CACNA1H: variants seen among roughly 807,000 people sequenced by gnomAD.
CACNA1H encodes the protein voltage-dependent T-type calcium channel subunit alpha-1H.
Under a neutral mutation model 192.5 loss-of-function variants are expected in CACNA1H, and 149 were observed. That is an observed-to-expected ratio of 0.77 (90% CI 0.68 to 0.89). The LOEUF (loss-of-function observed/expected upper bound fraction) is 0.89, where lower values mean the gene tolerates loss of function less well. Ranked by LOEUF, CACNA1H falls within the 40% of genes least tolerant of loss-of-function variation. The probability of loss-of-function intolerance (pLI) is 0.00; values close to 1 mark genes in which losing one functional copy is unlikely to be tolerated. For missense variants in CACNA1H, 4,257 were observed against 3,423.5 expected, an observed-to-expected ratio of 1.24 and a Z score of -6.08; for synonymous variants, 2,202 against 1,475.2, an observed-to-expected ratio of 1.49 and a Z score of -11.29.
In CACNA1H at chr16:1,221,735, G is replaced by A. The variant is rs754229098; in HGVS notation, c.*741G>A. The A allele has an allele frequency of 1.0e-4, 153 of 1,488,584 alleles. No individual in the cohort carries two copies. The highest frequency in any genetic ancestry group is 1.3e-4 in the Non-Finnish European group (145 of 1,104,322). 92.2% of individuals were successfully genotyped at this position (1,488,584 alleles called of 1,614,324 possible). The stretch of plus-strand genomic sequence containing the variant: ...CAGCTTCTCAAGGGAGAGGGAGGGG[G>A]CGGAGCGGAATAAATAGTAACTTAT... On this transcript the variant is annotated 3_prime_UTR_variant, in exon 35 of 35. Coordinates refer to ENST00000348261, the MANE Select transcript of CACNA1H (RefSeq NM_021098.3).
At chr16:1,173,051 C>T (rs1462401047) in intron 2 of CACNA1H, among the ~76,000 whole-genome samples, 1 of 152,016 alleles carries the variant, frequency 6.6e-6, no homozygotes, top group Non-Finnish European at 1.5e-5. Flanking sequence ...CGTGGAGAGC[C>T]CTCTGTGTGG....
chr16:1,211,123 G>T (rs911740779), intron 21 of CACNA1H, 45 bp from the exon 22 acceptor site: 2 of 1,599,922 alleles, frequency 1.3e-6, no homozygotes, highest in Non-Finnish European at 1.7e-6. Flanking sequence ...GCGCCTGGCA[G>T]CTGCTGCCAT....
chr16:1,163,908 G>C (rs1963480735), intron 2 of CACNA1H, among the ~76,000 whole-genome samples: 1 of 152,240 alleles, frequency 6.6e-6, no homozygotes, highest in African/African-American at 2.4e-5. Context: ...GGCCAGGTCT[G>C]GGGACCCTCC....
intron 6 of CACNA1H, 46 bp downstream of exon 6, chr16:1,198,820 C>T (rs377561076): frequency 3.8e-5 from 60 of 1,560,650 alleles, no homozygotes; most frequent in Middle Eastern, 3.4e-4. Context: ...GATGGCCCTG[C>T]CCACCATGCA....
chr16:1,172,698 G>T (rs1465193062), intron 2 of CACNA1H, among the ~76,000 whole-genome samples: 2 of 152,204 alleles, frequency 1.3e-5, no homozygotes, highest in African/African-American at 4.8e-5. Flanking sequence ...CACCCGCATG[G>T]GTGTGGGGCA....
intron 2 of CACNA1H, among the ~76,000 whole-genome samples, chr16:1,185,511 C>T (rs949883552): frequency 1.6e-4 from 23 of 143,132 alleles, no homozygotes; most frequent in East Asian, 6.1e-4. Flanking sequence ...TCCCCCCCCC[C>T]GCCGAGTCTG....
Position 1,211,561 on chromosome 16 carries a change from C to G in CACNA1H, c.4431C>G (p.His1477Gln). The change falls in exon 23 of 35, where the codon CAC becomes CAG. Residue 1477 changes from histidine (H) to glutamine (Q), a missense_variant. Physicochemically the swap from His to Gln is conservative, Grantham distance 24. Transcript: ENST00000348261. The stretch of plus-strand genomic sequence containing the variant: ...CCAAGGCACAGTGCCGGGCCGCCCA[C>G]TACCGCTGGGTGCGACGCAAGTACA... ...ISTKAQCRAA[H>Q]YRWVRRKYNF... 1 of 1,611,920 alleles carries G rather than the reference C, an allele frequency of 6.2e-7. No homozygotes were observed. The highest frequency in any genetic ancestry group is 2.2e-5 in the East Asian group (1 of 44,842).
chr16:1,210,273 C>G, intron 18 of CACNA1H, 97 bp from the exon 19 acceptor site: 1 of 1,268,384 alleles, frequency 7.9e-7, no homozygotes, highest in Non-Finnish European at 1.1e-6. Flanking sequence ...GGGACCGGGG[C>G]TGAAGTGGAG....
At chr16:1,189,884 G>A (rs959689263) in intron 2 of CACNA1H, among the ~76,000 whole-genome samples, 2 of 152,192 alleles carry the variant, frequency 1.3e-5, no homozygotes, top group African/African-American at 4.8e-5. Flanking sequence ...CCCCTGGCTC[G>A]TGAGCCCAGT....
At position 1,215,076 on chromosome 16, in the gene CACNA1H, G is replaced by A. The variant is rs1248027678; in HGVS notation, c.5034G>A (p.Lys1678=). The part of the protein sequence containing the change: ...LVAFGFRRFF[K]DRWNQLDLAI... ...CATTTGGGTTCCGTCGGTTCTTCAAGGACAGGTGTGTGTGGTGGGGCCGTC... is the reference window on the plus strand; with the variant it reads ...CATTTGGGTTCCGTCGGTTCTTCAAAGACAGGTGTGTGTGGTGGGGCCGTC... The change falls in exon 28 of 35, where the codon AAG becomes AAA. Residue 1678 remains lysine (K), a synonymous_variant. Transcript: ENST00000348261. 4 of 1,611,268 alleles carry A rather than the reference G, an allele frequency of 2.5e-6. No individual in the cohort carries two copies. Among genetic ancestry groups the A allele is most frequent in the Admixed American group, 1.7e-5 (1 of 59,706 alleles).
chr16:1,193,922 C>G (rs1412757699), intron 2 of CACNA1H, among the ~76,000 whole-genome samples: 2 of 152,124 alleles, frequency 1.3e-5, no homozygotes, highest in Admixed American at 6.5e-5. Context: ...TCCTGTGATC[C>G]CTGAGAGTTT....
chr16:1,198,188 G>C (rs1469695748), intron 5 of CACNA1H, among the ~76,000 whole-genome samples: 1 of 152,262 alleles, frequency 6.6e-6, no homozygotes, highest in East Asian at 1.9e-4. Context: ...CGCCAGACAA[G>C]CCTCGAGGGC....
At chr16:1,169,271 G>A (rs1467082174) in intron 2 of CACNA1H, among the ~76,000 whole-genome samples, 3 of 152,152 alleles carry the variant, frequency 2.0e-5, no homozygotes, top group Non-Finnish European at 4.4e-5. Flanking sequence ...GGGCGGCACC[G>A]TCGCTGGTGG....
Position 1,210,576 on chromosome 16 carries a change from C to T in CACNA1H, c.3970-7C>T. 1.2e-6 allele frequency: 2 copies of T among 1,609,548 alleles called. No individual in the cohort carries two copies. The highest frequency in any genetic ancestry group is 1.7e-5 in the Admixed American group (1 of 59,998). Reference sequence around the variant, plus strand: ...GGACACAGCCCCCCACCGTCCTCTCCCGGCAGGAGCGGGTCTTCCTCAGCG... The same window carrying T: ...GGACACAGCCCCCCACCGTCCTCTCTCGGCAGGAGCGGGTCTTCCTCAGCG... On this transcript the variant is annotated splice_region_variant and splice_polypyrimidine_tract_variant and intron_variant, in intron 19 of 34. Coordinates refer to ENST00000348261, the MANE Select transcript of CACNA1H (RefSeq NM_021098.3).
rs1265111195 is a variant in CACNA1H at position 1,215,365 on chromosome 16, C to T, written c.5163C>T (p.Arg1721=). Reference sequence around the variant, plus strand: ...TCATCCGCATCATGCGCGTGCTTCGCATTGCCCGTGGTAGGTGCCCGCGTG... The same window carrying T: ...TCATCCGCATCATGCGCGTGCTTCGTATTGCCCGTGGTAGGTGCCCGCGTG... ...PTIIRIMRVL[R]IARVLKLLKM... The change falls in exon 29 of 35, where the codon CGC becomes CGT. Residue 1721 remains arginine, a synonymous_variant. Transcript: ENST00000348261. 6.2e-7 allele frequency: 1 copy of T among 1,604,580 alleles called. No homozygotes were observed. The highest frequency in any genetic ancestry group is 8.5e-7 in the Non-Finnish European group (1 of 1,175,290).
chr16:1,174,059 C>T (rs749209751), intron 2 of CACNA1H, among the ~76,000 whole-genome samples: 1 of 152,218 alleles, frequency 6.6e-6, no homozygotes, highest in Non-Finnish European at 1.5e-5. Context: ...ATACAGTGGG[C>T]CTCCTGATAC....
At chr16:1,195,686 G>A (rs1966883835) in intron 4 of CACNA1H, 121 bp downstream of exon 4, 4 of 1,237,568 alleles carry the variant, frequency 3.2e-6, no homozygotes, top group South Asian at 2.8e-5. Context: ...TCCAGGTAGA[G>A]CCAGGGACCC....
chr16:1,153,363 G>GGGCGGA lies in CACNA1H; in HGVS notation c.-121_-116dup, dbSNP rs1463559748. On this transcript the variant is annotated 5_prime_UTR_variant, in exon 1 of 35. Coordinates refer to ENST00000348261, the MANE Select transcript of CACNA1H (RefSeq NM_021098.3). ...CGCTGGGGGCCGGGGCCGGGGCCGG[G>GGGCGGA]GGCGGAGGCGCTGGGGGCCGGGGCC... 69 of 144,186 alleles carry GGGCGGA rather than the reference G, an allele frequency of 4.8e-4. No homozygotes were observed. The highest frequency in any genetic ancestry group is 9.4e-4 in the Non-Finnish European group (61 of 64,750). 8.9% of individuals were successfully genotyped at this position (144,186 alleles called of 1,614,324 possible).
intron 2 of CACNA1H, among the ~76,000 whole-genome samples, chr16:1,193,923 C>T (rs1175854711): frequency 1.3e-5 from 2 of 152,132 alleles, no homozygotes; most frequent in Non-Finnish European, 2.9e-5. Flanking sequence ...CCTGTGATCC[C>T]TGAGAGTTTG....
Sources: allele counts gnomAD v4.1 joint callset (sites outside exome capture counted in the v4.1 genomes callset), GRCh38; gene constraint gnomAD v4.1.1; transcripts MANE v1.5; gene names NCBI Gene and HGNC (gene_info 2026-07-23, HGNC 2026-07-21).